ENOX1: variants seen among roughly 807,000 people sequenced by gnomAD.
The protein encoded by ENOX1 is candidate growth-related and time keeping constitutive hydroquinone (NADH) oxidase.
In ENOX1, 42 loss-of-function variants were observed where a neutral mutation model predicts 82.5. The ratio of observed to expected loss-of-function variants is 0.51; its 90% confidence interval spans 0.40 to 0.66. ENOX1 has a LOEUF of 0.66. Among genes scored for constraint, ENOX1 ranks in the 30% least tolerant of loss-of-function variants. The pLI, the probability that ENOX1 is intolerant of heterozygous loss-of-function variation, is 0.00. For missense variants in ENOX1, 608 were observed against 811.6 expected (o/e 0.75, Z 3.05); for synonymous variants, 271 against 282.2 (o/e 0.96, Z 0.40).
intron 3 of ENOX1, among the ~76,000 whole-genome samples, chr13:43,471,908 T>G (rs1593374224): frequency 6.6e-6 from 1 of 151,548 alleles, no homozygotes; most frequent in African/African-American, 2.4e-5. Flanking sequence ...CAGTGGTGGG[T>G]ATATGAGTAT....
intron 1 of ENOX1, among the ~76,000 whole-genome samples, chr13:43,779,708 C>A (rs1200940649): frequency 2.6e-5 from 4 of 152,146 alleles, no homozygotes; most frequent in African/African-American, 7.2e-5. Flanking sequence ...AGTCCAAAAT[C>A]TTTGGTGGAC....
intron 1 of ENOX1, among the ~76,000 whole-genome samples, chr13:43,707,965 T>C (rs1284194291): frequency 1.3e-5 from 2 of 151,726 alleles, no homozygotes; most frequent in African/African-American, 4.8e-5. Flanking sequence ...ACTAGGAATG[T>C]CAGGACACCA....
intron 2 of ENOX1, among the ~76,000 whole-genome samples, chr13:43,616,204 A>ATATATATTTT (rs1457149422): frequency 6.5e-5 from 1 of 15,318 alleles, no homozygotes; most frequent in Non-Finnish European, 2.1e-4. Context: ...ATATATATAT[A>ATATATATTTT]TTTTTTTTTT....
Position 43,344,386 on chromosome 13 carries a change from C to T in ENOX1, c.1036+152G>A, listed in dbSNP as rs556989904. On this transcript the variant is annotated intron_variant, in intron 9 of 16. Coordinates refer to ENST00000690772, the MANE Select transcript of ENOX1 (RefSeq NM_001347969.2). ...GGGTCCGTGTTCCTCCAAGTTGCCA[C>T]AGAACATGAAATAGGTTATGAAGTT... 3.1e-5 allele frequency: 21 copies of T among 683,242 alleles called. No homozygotes were observed. In the African/African-American group the frequency reaches 3.8e-4, roughly 12 times the overall value. 42.3% of individuals were successfully genotyped at this position (683,242 alleles called of 1,614,324 possible). A position where few individuals can be genotyped will look rare whatever the true frequency, so the allele number is the denominator to read the frequency against.
At chr13:43,358,861 A>G (rs564780256) in intron 7 of ENOX1, among the ~76,000 whole-genome samples, 90 of 152,234 alleles carry the variant, frequency 5.9e-4, no homozygotes, top group African/African-American at 2.1e-3. Flanking sequence ...TCCATTTTGT[A>G]TTGCTTTTAG....
intron 2 of ENOX1, among the ~76,000 whole-genome samples, chr13:43,636,055 G>C (rs1206624173): frequency 6.6e-6 from 1 of 152,068 alleles, no homozygotes; most frequent in East Asian, 1.9e-4. Context: ...TCCTAGAGTG[G>C]GGACCAAATA....
intron 5 of ENOX1, among the ~76,000 whole-genome samples, chr13:43,372,371 G>T (rs894790487): frequency 3.9e-5 from 6 of 152,170 alleles, no homozygotes; most frequent in Admixed American, 3.9e-4. Context: ...TGTTAATATG[G>T]CATCTGGAAG....
At chr13:43,241,935 C>T (rs1254186569) in intron 14 of ENOX1, among the ~76,000 whole-genome samples, 1 of 152,194 alleles carries the variant, frequency 6.6e-6, no homozygotes, top group African/African-American at 2.4e-5. Context: ...ACCCAAGCCC[C>T]TAAGGACCAA....
At chr13:43,445,280 C>T (rs1386723057) in intron 3 of ENOX1, among the ~76,000 whole-genome samples, 8 of 151,840 alleles carry the variant, frequency 5.3e-5, no homozygotes, top group East Asian at 1.9e-4. Context: ...CCCACCACCA[C>T]GCCTGGCTAA....
At position 43,214,105 on chromosome 13, in the gene ENOX1, A is replaced by T; in HGVS notation, c.1817T>A (p.Ile606Lys). 6.2e-7 allele frequency: 1 copy of T among 1,612,980 alleles called. No homozygotes were observed. The highest frequency in any genetic ancestry group is 1.7e-5 in the Admixed American group (1 of 59,904). The part of the protein sequence containing the change: ...QLDSKISANE[I>K]EMLLMRLPRM... ...TGGCAGCCTCATCAAAAGCATTTCT[A>T]TTTCATTTGCAGATATCTGTTAGAA... The change falls in exon 17 of 17, where the codon ATA becomes AAA. Residue 606 changes from isoleucine (I) to lysine (K), a missense_variant. Coordinates refer to ENST00000690772, the MANE Select transcript of ENOX1 (RefSeq NM_001347969.2).
intron 3 of ENOX1, among the ~76,000 whole-genome samples, chr13:43,457,520 AGGGAGGGAGG>A (rs1291794419): frequency 6.6e-6 from 1 of 152,166 alleles, no homozygotes; most frequent in Non-Finnish European, 1.5e-5. Flanking sequence ...GAAAGCAGAA[AGGGAGGGAGG>A]GGGAAGGAGA....
At chr13:43,427,966 C>G (rs1203616897) in intron 3 of ENOX1, among the ~76,000 whole-genome samples, 4 of 152,148 alleles carry the variant, frequency 2.6e-5, no homozygotes, top group Non-Finnish European at 4.4e-5. Flanking sequence ...TAGTAAGTTG[C>G]TTGGAGGGAA....
chr13:43,556,954 A>C (rs1264445479), intron 2 of ENOX1, among the ~76,000 whole-genome samples: 2 of 152,338 alleles, frequency 1.3e-5, no homozygotes, highest in African/African-American at 4.8e-5. Context: ...AGCTACATAG[A>C]ATTTGAATAA....
intron 12 of ENOX1, among the ~76,000 whole-genome samples, chr13:43,291,146 T>C (rs1022180689): frequency 6.6e-6 from 1 of 152,238 alleles, no homozygotes; most frequent in Non-Finnish European, 1.5e-5. Context: ...TTCTTGTCCT[T>C]CTATGCTTGT....
intron 2 of ENOX1, among the ~76,000 whole-genome samples, chr13:43,645,633 A>ATTG (rs2083863324): frequency 6.6e-6 from 1 of 152,210 alleles, no homozygotes; most frequent in African/African-American, 2.4e-5. Flanking sequence ...AATTCATTGG[A>ATTG]AGTTCTGAAC....
intron 5 of ENOX1, among the ~76,000 whole-genome samples, chr13:43,376,876 G>T (rs963216370): frequency 1.3e-5 from 2 of 152,018 alleles, no homozygotes; most frequent in African/African-American, 2.4e-5. Context: ...TTGAAATCCG[G>T]GCACTTCTAC....
At chr13:43,717,230 T>A (rs1312284124) in intron 1 of ENOX1, among the ~76,000 whole-genome samples, 5 of 151,976 alleles carry the variant, frequency 3.3e-5, no homozygotes, top group African/African-American at 7.3e-5. Context: ...AACCCAGAAA[T>A]AAACCTGCAT....
chr13:43,475,848 G>T (rs1420101901), intron 3 of ENOX1, among the ~76,000 whole-genome samples: 1 of 120,942 alleles, frequency 8.3e-6, no homozygotes, highest in African/African-American at 3.2e-5. Context: ...TAGCAAAACA[G>T]AATTTGAGAA....
At chr13:43,654,800 T>G (rs1272755954) in intron 2 of ENOX1, among the ~76,000 whole-genome samples, 2 of 152,190 alleles carry the variant, frequency 1.3e-5, no homozygotes, top group East Asian at 3.9e-4. Context: ...ATATTCTGAA[T>G]TCTCTGTGGT....
Sources: gnomAD v4.1 joint callset for allele counts (sites outside exome capture counted in the v4.1 genomes callset) on GRCh38, gnomAD v4.1.1 for gene constraint, MANE v1.5 for transcripts, NCBI Gene and HGNC (gene_info 2026-07-23, HGNC 2026-07-21) for gene names.